FAT3: variants seen among roughly 807,000 people sequenced by gnomAD.
FAT3 encodes FAT atypical cadherin 3.
Under a neutral mutation model 310.2 loss-of-function variants are expected in FAT3, and 95 were observed. That is an observed-to-expected ratio of 0.31 (90% CI 0.26 to 0.36). The LOEUF (loss-of-function observed/expected upper bound fraction) is 0.36, where lower values mean the gene tolerates loss of function less well. Among genes scored for constraint, FAT3 ranks in the 10% least tolerant of loss-of-function variants. FAT3 has a pLI of 1.00. For missense variants in FAT3, 5,408 were observed against 5,715.6 expected (o/e 0.95, Z 1.74); for synonymous variants, 2,314 against 2,192.9 (o/e 1.06, Z -1.54).
At chr11:92,681,104 G>C (rs1943469671) in intron 3 of FAT3, among the ~76,000 whole-genome samples, 1 of 152,218 alleles carries the variant, frequency 6.6e-6, no homozygotes, top group South Asian at 2.1e-4. Context: ...TGAGGGCCTA[G>C]TATGTGCCAC....
intron 24 of FAT3, among the ~76,000 whole-genome samples, chr11:92,886,405 A>G (rs1949798501): frequency 6.6e-6 from 1 of 152,004 alleles, no homozygotes. Context: ...AAGAAGGAGG[A>G]CATATGTGGT....
chr11:92,436,731 C>T (rs1404695962), intron 2 of FAT3, among the ~76,000 whole-genome samples: 1 of 152,116 alleles, frequency 6.6e-6, no homozygotes, highest in Non-Finnish European at 1.5e-5. Context: ...GCTTTGGGGT[C>T]CATCTGTTCC....
At chr11:92,475,662 A>C (rs1332609364) in intron 2 of FAT3, among the ~76,000 whole-genome samples, 3 of 152,216 alleles carry the variant, frequency 2.0e-5, no homozygotes, top group Non-Finnish European at 4.4e-5. Flanking sequence ...GAAATGCAAA[A>C]TAACAAAAAG....
intron 3 of FAT3, among the ~76,000 whole-genome samples, chr11:92,565,951 G>A (rs1177066339): frequency 6.6e-6 from 1 of 152,070 alleles, no homozygotes; most frequent in Non-Finnish European, 1.5e-5. Flanking sequence ...GCAAAAACTG[G>A]AAGCATTCCC....
intron 1 of FAT3, among the ~76,000 whole-genome samples, chr11:92,282,955 T>C (rs1418499112): frequency 6.6e-6 from 1 of 152,160 alleles, no homozygotes; most frequent in African/African-American, 2.4e-5. Flanking sequence ...GTTTTTATTT[T>C]ATTTTGCTCT....
In FAT3 at chr11:92,231,599, T is replaced by G. The variant is rs111529377; in HGVS notation, c.-18+6425T>G. ...AAATTCCAAACAATCTGAAAAAAAT[T>G]GTAGCCTTTTCAGTACCATGGAAGG... On this transcript the variant is annotated intron_variant, in intron 1 of 27. Transcript: ENST00000525166. Among the ~76,000 whole-genome samples the G allele has an allele frequency of 1.3e-5, 2 of 152,294 alleles. 1 individual carries two copies. Among genetic ancestry groups the G allele is most frequent in the African/African-American group, 4.8e-5 (2 of 41,566 alleles).
intron 2 of FAT3, among the ~76,000 whole-genome samples, chr11:92,387,239 G>A (rs1949647219): frequency 2.0e-5 from 3 of 152,102 alleles, no homozygotes; most frequent in Non-Finnish European, 1.5e-5. Context: ...ATTAGGCAGA[G>A]TGAGAGAACT....
intron 18 of FAT3, among the ~76,000 whole-genome samples, chr11:92,843,256 C>T (rs1226519367): frequency 6.6e-6 from 1 of 152,172 alleles, no homozygotes; most frequent in African/African-American, 2.4e-5. Flanking sequence ...GATACCTGCT[C>T]CATAAACCCA....
chr11:92,553,005 GA>G, intron 3 of FAT3, among the ~76,000 whole-genome samples: 1 of 150,532 alleles, frequency 6.6e-6, no homozygotes, highest in South Asian at 2.1e-4. Context: ...GGAAATAGAG[GA>G]AATATGGAAG....
intron 1 of FAT3, among the ~76,000 whole-genome samples, 113 bp downstream of exon 1, chr11:92,225,287 G>A (rs560085515): frequency 6.6e-6 from 1 of 152,200 alleles, no homozygotes; most frequent in Non-Finnish European, 1.5e-5. Context: ...GGTGGGCTGG[G>A]GAGGCGAGAG....
intron 1 of FAT3, among the ~76,000 whole-genome samples, chr11:92,339,328 A>G (rs1948177799): frequency 6.6e-6 from 1 of 152,138 alleles, no homozygotes; most frequent in Non-Finnish European, 1.5e-5. Flanking sequence ...CCCTTACTCT[A>G]TGGGAAAACA....
intron 22 of FAT3, among the ~76,000 whole-genome samples, chr11:92,873,537 G>A (rs1268256391): frequency 1.3e-5 from 2 of 152,202 alleles, no homozygotes; most frequent in Non-Finnish European, 2.9e-5. Context: ...GGATGAATCA[G>A]GTTGGAAAAT....
At chr11:92,506,348 C>T (rs901511293) in intron 2 of FAT3, among the ~76,000 whole-genome samples, 3 of 152,074 alleles carry the variant, frequency 2.0e-5, no homozygotes, top group African/African-American at 7.2e-5. Flanking sequence ...GCTAGCTTTT[C>T]CTTATTGTCT....
At chr11:92,487,745 A>G (rs1454532964) in intron 2 of FAT3, among the ~76,000 whole-genome samples, 2 of 152,190 alleles carry the variant, frequency 1.3e-5, no homozygotes, top group African/African-American at 4.8e-5. Context: ...AAACTGTATA[A>G]TCTAATAGGG....
intron 2 of FAT3, among the ~76,000 whole-genome samples, chr11:92,440,262 AG>A (rs1951036299): frequency 6.6e-6 from 1 of 152,160 alleles, no homozygotes; most frequent in Non-Finnish European, 1.5e-5. Context: ...GGAGTAAAGG[AG>A]CAAGGCAGGG....
intron 13 of FAT3, among the ~76,000 whole-genome samples, chr11:92,814,250 G>A (rs762071216): frequency 6.6e-6 from 1 of 152,194 alleles, no homozygotes; most frequent in Non-Finnish European, 1.5e-5. Context: ...ATTATGAATT[G>A]CAGAGAAAAG....
At chr11:92,476,926 C>T (rs1394920312) in intron 2 of FAT3, among the ~76,000 whole-genome samples, 2 of 152,160 alleles carry the variant, frequency 1.3e-5, no homozygotes, top group East Asian at 1.9e-4. Flanking sequence ...CCACCATGAC[C>T]ACCACGTGAA....
At chr11:92,519,134 C>T (rs558729656) in intron 2 of FAT3, among the ~76,000 whole-genome samples, 1 of 152,068 alleles carries the variant, frequency 6.6e-6, no homozygotes, top group Non-Finnish European at 1.5e-5. Context: ...CTTACACTTC[C>T]TGATTTCAAG....
At chr11:92,305,769 A>G (rs1263464150) in intron 1 of FAT3, among the ~76,000 whole-genome samples, 100 of 152,266 alleles carry the variant, frequency 6.6e-4, no homozygotes, top group Admixed American at 6.5e-3. Context: ...TCAAATGTCA[A>G]GGTCACGGAA....
Sources: allele counts gnomAD v4.1 joint callset (sites outside exome capture counted in the v4.1 genomes callset), GRCh38; gene constraint gnomAD v4.1.1; transcripts MANE v1.5; gene names NCBI Gene and HGNC (gene_info 2026-07-23, HGNC 2026-07-21).